LRTM1: variants seen among roughly 807,000 people sequenced by gnomAD.
The protein encoded by LRTM1 is leucine-rich repeat and transmembrane domain-containing protein 1.
In LRTM1, 38 loss-of-function variants were observed where a neutral mutation model predicts 32.4. That is an observed-to-expected ratio of 1.17 (90% CI 0.91 to 1.54). LRTM1 has a LOEUF of 1.54. LRTM1 is among the 40% of genes most tolerant of loss of function. The pLI, the probability that LRTM1 is intolerant of heterozygous loss-of-function variation, is 0.00. For missense variants in LRTM1, 466 were observed against 415.4 expected (o/e 1.12, Z -1.06); for synonymous variants, 186 against 169.9 (o/e 1.09, Z -0.74).
At chr3:54,932,212 T>C (rs1443054353), upstream of LRTM1, among the ~76,000 whole-genome samples, 1 of 151,908 alleles carries the variant, frequency 6.6e-6, no homozygotes, top group African/African-American at 2.4e-5. Flanking sequence ...AAAGAATAAT[T>C]AGAACTAAAT....
chr3:54,934,448 A>C (rs540174736), intron 1 of LRTM1, among the ~76,000 whole-genome samples: 3 of 152,262 alleles, frequency 2.0e-5, no homozygotes, highest in African/African-American at 7.2e-5. Flanking sequence ...TTCAGGTTCA[A>C]GGAATGCCTA....
chr3:54,949,469 C>G (rs1201615157), intron 1 of LRTM1, among the ~76,000 whole-genome samples: 4 of 152,128 alleles, frequency 2.6e-5, no homozygotes, highest in African/African-American at 9.7e-5. Context: ...AGTTGCTAGC[C>G]TCTTTGGATC....
chr3:54,938,615 A>G (rs965585370), intron 1 of LRTM1, among the ~76,000 whole-genome samples: 3 of 151,526 alleles, frequency 2.0e-5, no homozygotes, highest in Non-Finnish European at 4.4e-5. Flanking sequence ...AAGCCCCCTT[A>G]GTTACCCCCA....
intron 1 of LRTM1, among the ~76,000 whole-genome samples, chr3:54,947,823 A>G (rs1701652872): frequency 6.6e-6 from 1 of 152,194 alleles, no homozygotes; most frequent in Non-Finnish European, 1.5e-5. Flanking sequence ...GATGTGGGTC[A>G]GGAAGCATCC....
rs563220490 is a variant in LRTM1, at chr3:54,942,626, C to T, written c.-221-17411G>A. ...AGCAGGAGCCAGGCATACTGGTTCA[C>T]GCCTGTAATTCCAGCAGCTTGGGAG... On this transcript the variant is annotated intron_variant, in intron 1 of 2. Transcript: ENST00000493075. 5.3e-5 allele frequency among the ~76,000 whole-genome samples: 8 copies of T among 152,078 alleles called. No individual in the cohort carries two copies. In the South Asian group the frequency reaches 6.2e-4, roughly 12 times the overall value.
chr3:54,957,053 C>T (rs1701915593), intron 1 of LRTM1, among the ~76,000 whole-genome samples: 1 of 152,112 alleles, frequency 6.6e-6, no homozygotes, highest in Non-Finnish European at 1.5e-5. Flanking sequence ...AAGCTTCTAG[C>T]AGACACCTGG....
chr3:54,923,776 C>T (rs1575378210), intron 2 of LRTM1, among the ~76,000 whole-genome samples: 1 of 152,204 alleles, frequency 6.6e-6, no homozygotes, highest in African/African-American at 2.4e-5. Context: ...GGCTTCTGCT[C>T]TGTGATCTTG....
At position 54,925,058 on chromosome 3, in the gene LRTM1, C is replaced by A. The variant is rs769519094; in HGVS notation, c.165G>T (p.Leu55=). 2 of 1,614,134 alleles carry A rather than the reference C, an allele frequency of 1.2e-6. No individual in the cohort carries two copies. Among genetic ancestry groups the A allele is most frequent in the Non-Finnish European group, 8.5e-7 (1 of 1,180,024 alleles). The change falls in exon 2 of 3, where the codon CTG becomes CTT. Residue 55 remains leucine (L), a synonymous_variant. Transcript: ENST00000273286. ...GGTGTATCTGATTATCTTGTAAATG[C>A]AGCGTTCGAGTCTGAGGAGGTAAAT... The part of the protein sequence containing the change: ...PSHLPPQTRT[L]HLQDNQIHHL...
chr3:54,966,727 G>T (rs560419580), intron 1 of LRTM1, among the ~76,000 whole-genome samples: 1 of 152,254 alleles, frequency 6.6e-6, no homozygotes, highest in East Asian at 1.9e-4. Context: ...GCTGAGGCAT[G>T]AGAATCACTT....
chr3:54,947,974 C>G (rs1701656449), intron 1 of LRTM1, among the ~76,000 whole-genome samples: 1 of 152,186 alleles, frequency 6.6e-6, no homozygotes, highest in Non-Finnish European at 1.5e-5. Context: ...TCCTTATTGG[C>G]AAATGCTAAT....
chr3:54,936,793 A>T (rs905445525), intron 1 of LRTM1, among the ~76,000 whole-genome samples: 1 of 152,146 alleles, frequency 6.6e-6, no homozygotes, highest in African/African-American at 2.4e-5. Context: ...AAGCATGACT[A>T]TCAGAGTTTT....
intron 1 of LRTM1, among the ~76,000 whole-genome samples, chr3:54,958,451 A>T (rs1388926330): frequency 2.0e-5 from 3 of 152,194 alleles, no homozygotes; most frequent in African/African-American, 7.2e-5. Context: ...GCAGTAAGGG[A>T]GAATACAACC....
intron 1 of LRTM1, among the ~76,000 whole-genome samples, chr3:54,940,635 A>G (rs1308343406): frequency 6.6e-6 from 1 of 152,124 alleles, no homozygotes; most frequent in Admixed American, 6.5e-5. Context: ...AGTGAACATC[A>G]CTAGTTTTCT....
chr3:54,956,726 A>G (rs1418732119), intron 1 of LRTM1, among the ~76,000 whole-genome samples: 1 of 152,182 alleles, frequency 6.6e-6, no homozygotes. Flanking sequence ...CAAATCAGTC[A>G]TCATTACCTA....
At chr3:54,918,995 C>G (rs1330117546) in intron 2 of LRTM1, 103 bp from the exon 3 acceptor site, 1 of 707,920 alleles carries the variant, frequency 1.4e-6, no homozygotes, top group African/African-American at 1.9e-5. Flanking sequence ...TATGAAGTAC[C>G]TTTTTTTTTT....
intron 1 of LRTM1, among the ~76,000 whole-genome samples, chr3:54,955,065 C>T (rs1047714116): frequency 3.9e-5 from 6 of 152,026 alleles, no homozygotes; most frequent in African/African-American, 1.2e-4. Context: ...GACAAAAGAC[C>T]GATTAGTAGG....
At chr3:54,931,427 A>C (rs114143636), upstream of LRTM1, among the ~76,000 whole-genome samples, 1 of 152,206 alleles carries the variant, frequency 6.6e-6, no homozygotes, top group East Asian at 1.9e-4. Flanking sequence ...TGTGATATGC[A>C]TGCTAATGCT....
chr3:54,962,821 G>T (rs531572842), intron 1 of LRTM1, among the ~76,000 whole-genome samples: 3 of 152,336 alleles, frequency 2.0e-5, no homozygotes, highest in East Asian at 1.9e-4. Flanking sequence ...GTGAGCTTGT[G>T]TGCCAGGCAT....
intron 1 of LRTM1, among the ~76,000 whole-genome samples, chr3:54,939,366 G>A (rs945879921): frequency 6.6e-6 from 1 of 152,162 alleles, no homozygotes; most frequent in African/African-American, 2.4e-5. Flanking sequence ...CTCATCTGCC[G>A]GACTTCAAAG....
Sources: gnomAD v4.1 joint callset for allele counts (sites outside exome capture counted in the v4.1 genomes callset) on GRCh38, gnomAD v4.1.1 for gene constraint, MANE v1.5 for transcripts, NCBI Gene and HGNC (gene_info 2026-07-23, HGNC 2026-07-21) for gene names.